Variants in PTPRZ1 observed in about 807,000 individuals in gnomAD.
PTPRZ1 encodes the protein protein tyrosine phosphatase receptor type Z1.
PTPRZ1 carries 82 observed loss-of-function variants against 214.1 expected under a neutral mutation model. The ratio of observed to expected loss-of-function variants is 0.38; its 90% CI spans 0.32 to 0.46. The LOEUF (loss-of-function observed/expected upper bound fraction) is 0.46, where lower values mean the gene tolerates loss of function less well. Ranked by LOEUF, PTPRZ1 falls within the 20% of genes least tolerant of loss-of-function variation. PTPRZ1 has a pLI of 1.00. For synonymous variants in PTPRZ1, 945 were observed against 987.9 expected (o/e 0.96, Z 0.81); for missense variants, 2,603 against 2,748.7 (o/e 0.95, Z 1.19).
chr7:122,005,270 TAGAG>T (rs969371089), intron 11 of PTPRZ1, among the ~76,000 whole-genome samples: 8 of 152,098 alleles, frequency 5.3e-5, no homozygotes, highest in South Asian at 4.1e-4. Context: ...TTTTTTTAAA[TAGAG>T]AGAAAATGAT....
Position 121,968,082 on chromosome 7 carries a change from G to A in PTPRZ1, c.256G>A (p.Asp86Asn), listed in dbSNP as rs199906822. 3 of 1,606,416 alleles carry A rather than the reference G, an allele frequency of 1.9e-6. No individual in the cohort carries two copies. Among genetic ancestry groups the A allele is most frequent in the East Asian group, 2.2e-5 (1 of 44,618 alleles). ...NLKKLKFQGW[D>N]KTSLENTFIH... ...TAAGAAACTTAAATTTCAGGGTTGG[G>A]ATAAAACATCATTGGAAAACACATT... The change falls in exon 3 of 30, where the codon GAT becomes AAT. Residue 86 changes from aspartate (D) to asparagine (N), a missense_variant. Physicochemically the swap from Asp to Asn is conservative, Grantham distance 23. Coordinates refer to ENST00000393386, the MANE Select transcript of PTPRZ1 (RefSeq NM_002851.3).
chr7:121,892,288 A>C (rs1794655324), intron 1 of PTPRZ1, among the ~76,000 whole-genome samples: 1 of 152,126 alleles, frequency 6.6e-6, no homozygotes, highest in African/African-American at 2.4e-5. Context: ...TTCTTACAAA[A>C]CATATGGTCC....
rs1050274444 is a variant in PTPRZ1, at chr7:122,044,650, G to A, written c.6084+82G>A. The A allele has an allele frequency of 1.3e-5, 19 of 1,432,490 alleles. No homozygotes were observed. In the African/African-American group the frequency reaches 1.7e-4, roughly 13 times the overall value. The allele number at this position is 1,432,490 out of a possible 1,614,324, so 88.7% of individuals were successfully genotyped here. ...TTCTCATTTGAGTTGACAGGGTCAC[G>A]TTGAGTGGGCAGTATGGGTACAATG... On this transcript the variant is annotated intron_variant, in intron 23 of 29. Transcript: ENST00000393386.
At chr7:122,004,751 G>A in intron 11 of PTPRZ1, 91 bp downstream of exon 11, 1 of 709,358 alleles carries the variant, frequency 1.4e-6, no homozygotes, top group South Asian at 1.7e-5. Flanking sequence ...CACATGAATA[G>A]AAGTTGTGTG....
At chr7:122,008,388 G>C (rs1798554652) in intron 11 of PTPRZ1, among the ~76,000 whole-genome samples, 1 of 152,054 alleles carries the variant, frequency 6.6e-6, no homozygotes, top group African/African-American at 2.4e-5. Flanking sequence ...TTATCTGTTT[G>C]AGAATTTGAG....
At chr7:121,876,618 A>G (rs1310128866) in intron 1 of PTPRZ1, among the ~76,000 whole-genome samples, 1 of 152,218 alleles carries the variant, frequency 6.6e-6, no homozygotes, top group African/African-American at 2.4e-5. Context: ...TTGTAACCAC[A>G]TATAAAAAAT....
At chr7:122,002,365 C>T (rs1484420905) in intron 10 of PTPRZ1, among the ~76,000 whole-genome samples, 4 of 152,114 alleles carry the variant, frequency 2.6e-5, no homozygotes, top group Non-Finnish European at 4.4e-5. Flanking sequence ...GCCAAGGAGA[C>T]GTGCCTAGGC....
chr7:122,005,901 A>T (rs961599784), intron 11 of PTPRZ1, among the ~76,000 whole-genome samples: 6 of 152,064 alleles, frequency 3.9e-5, no homozygotes, highest in Admixed American at 6.6e-5. Context: ...CATTACCATG[A>T]TTCACGATCC....
chr7:121,948,389 C>A (rs899578500), intron 2 of PTPRZ1, among the ~76,000 whole-genome samples: 1 of 152,064 alleles, frequency 6.6e-6, no homozygotes, highest in Non-Finnish European at 1.5e-5. Flanking sequence ...GCTGAGGCAG[C>A]GGGATCTCTT....
chr7:121,873,675 G>C, intron 1 of PTPRZ1, 118 bp downstream of exon 1: 1 of 1,276,364 alleles, frequency 7.8e-7, no homozygotes, highest in Non-Finnish European at 1.1e-6. Flanking sequence ...AGGAAAAAGG[G>C]ACAGCCAACT....
intron 1 of PTPRZ1, among the ~76,000 whole-genome samples, chr7:121,892,118 A>G (rs1794647679): frequency 6.6e-6 from 1 of 152,178 alleles, no homozygotes; most frequent in Non-Finnish European, 1.5e-5. Flanking sequence ...GCTTTATACC[A>G]TAATTTTAGC....
At position 122,013,970 on chromosome 7, in the gene PTPRZ1, G is replaced by A. The variant is rs1798769515; in HGVS notation, c.4843+81G>A. The A allele has an allele frequency of 5.5e-6, 7 of 1,262,620 alleles. No individual in the cohort carries two copies. The East Asian group carries it at 1.5e-4, about 27-fold the overall frequency. 78.2% of individuals were successfully genotyped at this position (1,262,620 alleles called of 1,614,324 possible). A position where few individuals can be genotyped will look rare whatever the true frequency, so the allele number is the denominator to read the frequency against. ...GTAAAATGAAAATTATAGAAAGATA[G>A]AAATTTGGTAAAATGGTACATCATC... is the stretch of plus-strand genomic sequence containing the variant. On this transcript the variant is annotated intron_variant, in intron 12 of 29. Transcript: ENST00000393386.
chr7:122,044,665 T>C, intron 23 of PTPRZ1, 97 bp downstream of exon 23: 1 of 1,221,036 alleles, frequency 8.2e-7, no homozygotes, highest in Admixed American at 2.3e-5. Flanking sequence ...GTGGGCAGTA[T>C]GGGTACAATG....
At position 122,011,845 on chromosome 7, in the gene PTPRZ1, T is replaced by C. The variant is rs1050879818; in HGVS notation, c.2799T>C (p.Asn933=). The change falls in exon 12 of 30, where the codon AAT becomes AAC. Residue 933 remains asparagine, a synonymous_variant. Transcript: ENST00000393386. ...GPEPSYALSD[N]EGSQHIFTVS... ...AACCTTCTTATGCCTTGTCTGATAATGAGGGCTCCCAACACATCTTCACTG... is the reference window on the plus strand; with the variant it reads ...AACCTTCTTATGCCTTGTCTGATAACGAGGGCTCCCAACACATCTTCACTG... 1 of 1,613,722 alleles carries C rather than the reference T, an allele frequency of 6.2e-7. No homozygotes were observed. Among genetic ancestry groups the C allele is most frequent in the African/African-American group, 1.3e-5 (1 of 74,938 alleles).
chr7:122,021,706 C>T (rs750331320), intron 13 of PTPRZ1, among the ~76,000 whole-genome samples: 1 of 152,034 alleles, frequency 6.6e-6, no homozygotes, highest in Non-Finnish European at 1.5e-5. Context: ...TGCCACTGCA[C>T]TCCAGCCTGG....
At chr7:122,008,746 A>T (rs1166294672) in intron 11 of PTPRZ1, among the ~76,000 whole-genome samples, 1 of 152,102 alleles carries the variant, frequency 6.6e-6, no homozygotes, top group East Asian at 1.9e-4. Context: ...TAGGTTTGCA[A>T]AAACAAGGAA....
chr7:121,975,168 C>G (rs181348527), intron 4 of PTPRZ1, among the ~76,000 whole-genome samples: 1 of 152,178 alleles, frequency 6.6e-6, no homozygotes, highest in Non-Finnish European at 1.5e-5. Context: ...GCCTGAGTGA[C>G]AGAGTGAGAC....
At position 121,997,961 on chromosome 7, in the gene PTPRZ1, A is replaced by C; in HGVS notation, c.1195A>C (p.Lys399Gln). The C allele has an allele frequency of 6.2e-7, 1 of 1,613,460 alleles. No individual in the cohort carries two copies. The highest frequency in any genetic ancestry group is 8.5e-7 in the Non-Finnish European group (1 of 1,179,696). ...CATATGCACTAATGGCTTATATGGA[A>C]AATACAGCGACCAACTGATTGTCGA... ...VAICTNGLYG[K>Q]YSDQLIVDMP... Residue 399 changes from lysine (K) to glutamine (Q), a missense_variant, in exon 10 of 30, where the codon AAA (lysine) becomes CAA (glutamine). Physicochemically the swap from Lys to Gln is moderately conservative, Grantham distance 53 (BLOSUM62 1). This residue lies in a region of PTPRZ1 where 244 missense variants were observed against 333.2 expected (regional missense o/e 0.73). Transcript: ENST00000393386.
chr7:122,058,840 A>C lies in PTPRZ1; in HGVS notation c.6569A>C (p.Lys2190Thr). ...GAAGTGAGGCACTTTCAGTGTCCTA[A>C]ATGGCCAAATCCAGATAGCCCCATT... Reference protein sequence around the residue: ...VLEVRHFQCPKWPNPDSPISK... With the variant: ...VLEVRHFQCPTWPNPDSPISK... The change falls in exon 28 of 30, where the codon AAA becomes ACA. Residue 2190 changes from lysine to threonine, a missense_variant. By Grantham distance (78) the Lys-to-Thr change is moderately conservative. This residue lies in a region of PTPRZ1 where 165 missense variants were observed against 151.4 expected (regional missense o/e 1.09). Coordinates refer to ENST00000393386, the MANE Select transcript of PTPRZ1 (RefSeq NM_002851.3). The C allele has an allele frequency of 6.2e-7, 1 of 1,604,750 alleles. No individual in the cohort carries two copies. The highest frequency in any genetic ancestry group is 2.2e-5 in the East Asian group (1 of 44,804).
Sources: gnomAD v4.1 joint callset for allele counts (sites outside exome capture counted in the v4.1 genomes callset) on GRCh38, gnomAD v4.1.1 for gene constraint, gnomAD v4.1.1 regional missense constraint, MANE v1.5 for transcripts, NCBI Gene and HGNC (gene_info 2026-07-23, HGNC 2026-07-21) for gene names.